Variants in TTLL5 observed in about 807,000 individuals in gnomAD.
The protein encoded by TTLL5 is tubulin tyrosine ligase like 5.
Under a neutral mutation model 168.4 loss-of-function variants are expected in TTLL5, and 132 were observed. The ratio of observed to expected loss-of-function variants is 0.78; its 90% CI spans 0.68 to 0.91. The LOEUF is 0.91. Ranked by LOEUF, TTLL5 falls within the 40% of genes least tolerant of loss-of-function variation. The pLI, the probability that TTLL5 is intolerant of heterozygous loss-of-function variation, is 0.00. For synonymous variants in TTLL5, 546 were observed against 558.6 expected (o/e 0.98, Z 0.32); for missense variants, 1,545 against 1,581.5 (o/e 0.98, Z 0.39).
intron 12 of TTLL5, among the ~76,000 whole-genome samples, chr14:75,731,332 G>A (rs1304891339): frequency 6.8e-6 from 1 of 146,846 alleles, no homozygotes; most frequent in Non-Finnish European, 1.5e-5. Context: ...TAGGAGTGAT[G>A]TTTTATATAT....
intron 12 of TTLL5, among the ~76,000 whole-genome samples, chr14:75,725,973 T>C (rs540454214): frequency 6.6e-6 from 1 of 152,328 alleles, no homozygotes; most frequent in East Asian, 1.9e-4. Context: ...GCTTTTTCAA[T>C]TTGAATCCAA....
intron 28 of TTLL5, among the ~76,000 whole-genome samples, chr14:75,842,553 A>G (rs376424169): frequency 4.7e-4 from 72 of 152,328 alleles, no homozygotes; most frequent in African/African-American, 1.6e-3. Flanking sequence ...GATTTTACCC[A>G]GGGAGCCTGA....
chr14:75,825,127 TATGTGA>T (rs1455249378), intron 28 of TTLL5, among the ~76,000 whole-genome samples: 2 of 151,564 alleles, frequency 1.3e-5, no homozygotes, highest in African/African-American at 4.9e-5. Context: ...CTGAGTTGTG[TATGTGA>T]AAGTGGCCAG....
intron 21 of TTLL5, 127 bp downstream of exon 21, chr14:75,771,981 GT>G: frequency 9.3e-7 from 1 of 1,078,268 alleles, no homozygotes; most frequent in Non-Finnish European, 1.3e-6. Context: ...ATGTAAGAAG[GT>G]TTTTAGATTT....
At chr14:75,801,352 C>T (rs1893312157) in intron 27 of TTLL5, among the ~76,000 whole-genome samples, 3 of 152,178 alleles carry the variant, frequency 2.0e-5, no homozygotes, top group Admixed American at 2.0e-4. Flanking sequence ...ACGCAGCCAA[C>T]AAGGCCAATC....
chr14:75,727,738 G>A (rs1022116389), intron 12 of TTLL5: 2 of 399,090 alleles, frequency 5.0e-6, no homozygotes, highest in Non-Finnish European at 1.0e-5. Context: ...CAGAAACATG[G>A]TAGATGAAAG....
chr14:75,883,083 A>G (rs1256949288), intron 30 of TTLL5, among the ~76,000 whole-genome samples, 181 bp downstream of exon 30: 2 of 152,246 alleles, frequency 1.3e-5, no homozygotes, highest in African/African-American at 2.4e-5. Context: ...CCAGGGAACT[A>G]CTGAAACAAG....
At chr14:75,719,146 T>C (rs1189991548) in intron 10 of TTLL5, among the ~76,000 whole-genome samples, 1 of 152,136 alleles carries the variant, frequency 6.6e-6, no homozygotes, top group Non-Finnish European at 1.5e-5. Context: ...ATAGTATACC[T>C]CCTCACTCTT....
chr14:75,894,751 A>G (rs1337225117), intron 30 of TTLL5, among the ~76,000 whole-genome samples: 1 of 152,232 alleles, frequency 6.6e-6, no homozygotes, highest in Non-Finnish European at 1.5e-5. Context: ...TAAAATATCA[A>G]CAAAAGATAG....
In TTLL5 at chr14:75,844,097, G is replaced by A. The variant is rs545789249; in HGVS notation, c.3327-19570G>A. ...GGGGTTTCACCATATTGGCCAGGCCGGTCTCGAACTCCTGACCTCATGATC... is the reference window on the plus strand; with the variant it reads ...GGGGTTTCACCATATTGGCCAGGCCAGTCTCGAACTCCTGACCTCATGATC... On this transcript the variant is annotated intron_variant, in intron 28 of 31. Coordinates refer to ENST00000298832, the MANE Select transcript of TTLL5 (RefSeq NM_015072.5). Among the ~76,000 whole-genome samples, 11 of 151,880 alleles carry A rather than the reference G, an allele frequency of 7.2e-5. No individual in the cohort carries two copies. The South Asian group carries it at 1.0e-3, about 14-fold the overall frequency.
intron 2 of TTLL5, among the ~76,000 whole-genome samples, chr14:75,668,994 A>T (rs111737071): frequency 3.3e-5 from 5 of 152,178 alleles, no homozygotes; most frequent in Non-Finnish European, 7.3e-5. Flanking sequence ...CAAGGTCACA[A>T]AATGGTTGTT....
At chr14:75,918,857 A>G (rs1210331801) in intron 31 of TTLL5, among the ~76,000 whole-genome samples, 1 of 152,144 alleles carries the variant, frequency 6.6e-6, no homozygotes, top group Non-Finnish European at 1.5e-5. Context: ...TGCTCACAGT[A>G]TAGCTGCTTT....
At chr14:75,785,372 GT>G (rs943221114) in intron 26 of TTLL5, among the ~76,000 whole-genome samples, 14 of 152,040 alleles carry the variant, frequency 9.2e-5, no homozygotes, top group Non-Finnish European at 2.1e-4. Flanking sequence ...TAGAGGTGGG[GT>G]TTCACCATGT....
chr14:75,693,433 C>G (rs908204104), intron 6 of TTLL5, among the ~76,000 whole-genome samples: 1 of 152,156 alleles, frequency 6.6e-6, no homozygotes, highest in Non-Finnish European at 1.5e-5. Flanking sequence ...TAAGAGACAA[C>G]CTGTAAAGAT....
intron 31 of TTLL5, among the ~76,000 whole-genome samples, chr14:75,948,539 T>C (rs140108521): frequency 6.6e-6 from 1 of 151,890 alleles, no homozygotes; most frequent in Non-Finnish European, 1.5e-5. Context: ...ACTTGACAAA[T>C]GTAGGTAAAG....
chr14:75,745,593 A>C lies in TTLL5; in HGVS notation c.1487+12A>C. The stretch of plus-strand genomic sequence containing the variant: ...TGGGAAATATATGGGTGAGGTGACT[A>C]CCTTTTTTTTTTATTCTTTACCTGA... On this transcript the variant is annotated intron_variant, in intron 17 of 31. Transcript: ENST00000298832. 3 of 1,598,994 alleles carry C rather than the reference A, an allele frequency of 1.9e-6. No individual in the cohort carries two copies. The South Asian group carries it at 3.4e-5, about 18-fold the overall frequency.
intron 31 of TTLL5, among the ~76,000 whole-genome samples, chr14:75,948,283 G>A (rs1032590029): frequency 5.9e-5 from 9 of 152,096 alleles, no homozygotes; most frequent in Middle Eastern, 3.4e-3. Flanking sequence ...TCAGGAGTTC[G>A]AGACCAGCCT....
chr14:75,702,972 A>G (rs1250667820), intron 7 of TTLL5, among the ~76,000 whole-genome samples: 1 of 152,146 alleles, frequency 6.6e-6, no homozygotes, highest in Non-Finnish European at 1.5e-5. Context: ...AGACCTGCAA[A>G]CCATGTTGTT....
chr14:75,766,475 C>G, intron 20 of TTLL5, 107 bp downstream of exon 20: 1 of 1,075,576 alleles, frequency 9.3e-7, no homozygotes, highest in Non-Finnish European at 1.3e-6. Context: ...TTAATATTTA[C>G]AGAAGTCCTA....
Sources: gnomAD v4.1 joint callset for allele counts (sites outside exome capture counted in the v4.1 genomes callset) on GRCh38, gnomAD v4.1.1 for gene constraint, MANE v1.5 for transcripts, NCBI Gene and HGNC (gene_info 2026-07-23, HGNC 2026-07-21) for gene names.